The following TBC1D14 variants were observed in gnomAD, a reference collection of about 807,000 sequenced individuals.
TBC1D14 encodes TBC1 domain family, member 14.
Under a neutral mutation model 79.0 loss-of-function variants are expected in TBC1D14, and 26 were observed. That is an observed-to-expected ratio of 0.33 (90% CI 0.24 to 0.46). The LOEUF (loss-of-function observed/expected upper bound fraction) is 0.46. Ranked by LOEUF, TBC1D14 falls within the 20% of genes least tolerant of loss-of-function variation. TBC1D14 has a pLI of 1.00. For missense variants in TBC1D14, 769 were observed against 887.6 expected, an observed-to-expected ratio of 0.87 and a Z score of 1.70; for synonymous variants, 394 against 349.9, an observed-to-expected ratio of 1.13 and a Z score of -1.40.
intron 2 of TBC1D14, among the ~76,000 whole-genome samples, chr4:6,924,901 G>A (rs564685168): frequency 1.3e-5 from 2 of 152,290 alleles, no homozygotes; most frequent in South Asian, 4.1e-4. Context: ...GCCTGGGGGT[G>A]GTGGGAGTGG....
In TBC1D14 at chr4:6,953,583, G is replaced by C. The variant is rs1049074048; in HGVS notation, c.723-13721G>C. 1.5e-4 allele frequency among the ~76,000 whole-genome samples: 19 copies of C among 128,520 alleles called. No homozygotes were observed. The East Asian group carries it at 2.8e-3, about 19-fold the overall frequency. The allele number at this position is 128,520 out of a possible 152,430, so 84.3% of individuals were successfully genotyped here. On this transcript the variant is annotated intron_variant, in intron 2 of 13. Coordinates refer to ENST00000409757, the MANE Select transcript of TBC1D14 (RefSeq NM_020773.3). ...GGGGGCGGAGCCTGCAGTGAGCCGA[G>C]ATTGCGCCACTGCACTCCAGCCTGG...
intron 2 of TBC1D14, among the ~76,000 whole-genome samples, chr4:6,946,653 C>G (rs74897281): frequency 6.6e-6 from 1 of 152,118 alleles, no homozygotes; most frequent in Admixed American, 6.5e-5. Flanking sequence ...GCAGAGTTAA[C>G]AGACACAAAC....
At chr4:6,998,332 C>A (rs1019104263) in intron 5 of TBC1D14, among the ~76,000 whole-genome samples, 1 of 151,184 alleles carries the variant, frequency 6.6e-6, no homozygotes, top group Admixed American at 6.6e-5. Context: ...TGCACCCCAC[C>A]CTGGGTGACA....
Position 7,014,470 on chromosome 4 carries a change from T to G in TBC1D14, c.1670T>G (p.Phe557Cys). 1 of 1,613,694 alleles carries G rather than the reference T, an allele frequency of 6.2e-7. No individual in the cohort carries two copies. The highest frequency in any genetic ancestry group is 8.5e-7 in the Non-Finnish European group (1 of 1,179,616). The change falls in exon 12 of 14, where the codon TTT becomes TGT. Residue 557 changes from phenylalanine to cysteine, a missense_variant. Phe to Cys is a radical substitution (Grantham distance 205). This residue lies in a region of TBC1D14 where 367 missense variants were observed against 494.4 expected (regional missense o/e 0.74). Transcript: ENST00000409757. ...TAGATGTTGACTTATTTTGCTGCAT[T>G]TGAAGTATTCTTTGAAGAAAATTTG... ...HGLMLTYFAAFEVFFEENLPK... is the reference protein window; with the variant it reads ...HGLMLTYFAACEVFFEENLPK...
At chr4:6,913,995 G>T (rs78730835) in intron 1 of TBC1D14, among the ~76,000 whole-genome samples, 11,750 of 152,002 alleles carry the variant, frequency 0.077, 496 homozygotes, top group African/African-American at 0.092. Context: ...AATTAGCTGG[G>T]TGGACGTGGT....
chr4:6,913,504 G>T (rs537304768), intron 1 of TBC1D14, among the ~76,000 whole-genome samples: 2 of 152,288 alleles, frequency 1.3e-5, no homozygotes, highest in African/African-American at 4.8e-5. Flanking sequence ...TGTCAGATCT[G>T]GTTTGAACTC....
chr4:6,956,352 C>T (rs892240289), intron 2 of TBC1D14, among the ~76,000 whole-genome samples: 1 of 152,204 alleles, frequency 6.6e-6, no homozygotes, highest in African/African-American at 2.4e-5. Context: ...ACTGTGGCCA[C>T]ATCTTCTATT....
In TBC1D14 at chr4:6,996,302, A is replaced by G. The variant is rs747319833; in HGVS notation, c.963-23A>G. ...TTCTATGCGGTATTTATAATGGTGA[A>G]AACTCATTTCTTTCCTGTCAAGAAA... On this transcript the variant is annotated intron_variant, in intron 4 of 13. Coordinates refer to ENST00000409757, the MANE Select transcript of TBC1D14 (RefSeq NM_020773.3). 5.6e-6 allele frequency: 9 copies of G among 1,600,938 alleles called. No homozygotes were observed. The Admixed American group carries it at 1.5e-4, about 27-fold the overall frequency.
At chr4:6,954,836 C>T (rs1329424101) in intron 2 of TBC1D14, among the ~76,000 whole-genome samples, 2 of 152,250 alleles carry the variant, frequency 1.3e-5, no homozygotes. Context: ...AAATCCTGGC[C>T]TTAAGTGATC....
Position 6,986,280 on chromosome 4 carries a change from G to C in TBC1D14, c.844-7904G>C, listed in dbSNP as rs1218823265. ...CCGCGGTTGGTGGACGTTCTGGTTG[G>C]CGTGGACAATGCTGTTAGGAATGTT... On this transcript the variant is annotated intron_variant, in intron 3 of 13. Transcript: ENST00000409757. Among the ~76,000 whole-genome samples, 3 of 152,172 alleles carry C rather than the reference G, an allele frequency of 2.0e-5. No homozygotes were observed. The East Asian group carries it at 5.8e-4, about 29-fold the overall frequency.
At chr4:6,947,166 G>T (rs1022204592) in intron 2 of TBC1D14, among the ~76,000 whole-genome samples, 2 of 151,456 alleles carry the variant, frequency 1.3e-5, no homozygotes, top group Non-Finnish European at 2.9e-5. Context: ...TTCAAGACCA[G>T]CCTGGCCAAC....
chr4:6,943,722 G>A (rs1239585986), intron 2 of TBC1D14, among the ~76,000 whole-genome samples: 2 of 152,060 alleles, frequency 1.3e-5, no homozygotes, highest in African/African-American at 2.4e-5. Context: ...CCCACTCCCC[G>A]CCCCCTCCTG....
chr4:6,943,105 T>G (rs1173831991), intron 2 of TBC1D14, among the ~76,000 whole-genome samples: 2 of 152,182 alleles, frequency 1.3e-5, no homozygotes, highest in African/African-American at 4.8e-5. Flanking sequence ...CTTGCTGGGT[T>G]GTTCGGTATT....
chr4:6,958,913 T>G (rs1714919919), intron 2 of TBC1D14, among the ~76,000 whole-genome samples: 1 of 151,194 alleles, frequency 6.6e-6, no homozygotes, highest in South Asian at 2.1e-4. Context: ...AGACGGAGTC[T>G]CGCTCTGTCG....
chr4:7,023,719 C>T (rs1722057367), intron 12 of TBC1D14, among the ~76,000 whole-genome samples: 1 of 152,136 alleles, frequency 6.6e-6, no homozygotes. Flanking sequence ...GACCTGGGTC[C>T]GTTTAGCTGT....
At chr4:6,963,488 C>G (rs1332648246) in intron 2 of TBC1D14, among the ~76,000 whole-genome samples, 6 of 152,230 alleles carry the variant, frequency 3.9e-5, no homozygotes, top group Non-Finnish European at 8.8e-5. Flanking sequence ...GCTGTGTTCT[C>G]TCACTGCACG....
Position 6,954,208 on chromosome 4 carries a change from C to G in TBC1D14, c.723-13096C>G, listed in dbSNP as rs1366605229. ...CTCCGAGTGCACCCATGGAGTTTCCCCGGGACTGTGGCTCTGGCGTGCCAG... is the reference window on the plus strand; with the variant it reads ...CTCCGAGTGCACCCATGGAGTTTCCGCGGGACTGTGGCTCTGGCGTGCCAG... On this transcript the variant is annotated intron_variant, in intron 2 of 13. Transcript: ENST00000409757. The G allele has an allele frequency of 4.3e-6, 3 of 704,758 alleles. No homozygotes were observed. The East Asian group carries it at 8.1e-5, about 19-fold the overall frequency. The allele number at this position is 704,758 out of a possible 1,614,324, so 43.7% of individuals were successfully genotyped here.
chr4:6,973,711 G>A (rs1314162178), intron 3 of TBC1D14, among the ~76,000 whole-genome samples: 1 of 152,064 alleles, frequency 6.6e-6, no homozygotes, highest in Non-Finnish European at 1.5e-5. Context: ...CCCAGGAATA[G>A]GTCTTAATGT....
At chr4:6,976,933 A>G (rs1303615519) in intron 3 of TBC1D14, among the ~76,000 whole-genome samples, 4 of 151,860 alleles carry the variant, frequency 2.6e-5, no homozygotes, top group African/African-American at 9.7e-5. Context: ...ACCACAGTTG[A>G]ATATACATAA....
Sources: allele counts gnomAD v4.1 joint callset (sites outside exome capture counted in the v4.1 genomes callset), GRCh38; gene constraint gnomAD v4.1.1; regional missense constraint gnomAD v4.1.1; transcripts MANE v1.5; gene names NCBI Gene and HGNC (gene_info 2026-07-23, HGNC 2026-07-21).